NEMP1: variants seen among roughly 807,000 people sequenced by gnomAD.
NEMP1 encodes transmembrane protein 194.
In NEMP1, 29 loss-of-function variants were observed where a neutral mutation model predicts 53.7. That is an observed-to-expected ratio of 0.54 (90% CI 0.40 to 0.74). The LOEUF is 0.74. NEMP1 is among the 30% of genes least tolerant of loss of function. The pLI is 0.00. For missense variants in NEMP1, 477 were observed against 528.6 expected, an observed-to-expected ratio of 0.90 and a Z score of 0.96; for synonymous variants, 193 against 192.9, an observed-to-expected ratio of 1.00 and a Z score of 0.00.
chr12:57,075,561 C>T (rs987381044), intron 1 of NEMP1, among the ~76,000 whole-genome samples: 22 of 151,246 alleles, frequency 1.5e-4, no homozygotes, highest in Non-Finnish European at 2.5e-4. Flanking sequence ...TGGTGGCTCA[C>T]GCCTGTAGTC....
Position 57,064,730 on chromosome 12 carries a change from A to G in NEMP1, c.555T>C (p.Ile185=), listed in dbSNP as rs1168120404. Reference sequence around the variant, plus strand: ...CAGTCATCCCAGTAGAGTAGTAGAAAATTTGACTTCTGCAGGAAAAAAATG... The same window carrying G: ...CAGTCATCCCAGTAGAGTAGTAGAAGATTTGACTTCTGCAGGAAAAAAATG... ...FCGDLLSRSQ[I]FYYSTGMTVG... The change falls in exon 5 of 9, where the codon ATT becomes ATC. Residue 185 remains isoleucine, a synonymous_variant. Coordinates refer to ENST00000300128, the MANE Select transcript of NEMP1 (RefSeq NM_001130963.2). 4 of 1,612,178 alleles carry G rather than the reference A, an allele frequency of 2.5e-6. No homozygotes were observed. In the Admixed American group the frequency reaches 6.7e-5, roughly 27 times the overall value.
intron 1 of NEMP1, among the ~76,000 whole-genome samples, chr12:57,074,145 T>G (rs1419009331): frequency 6.6e-6 from 1 of 151,832 alleles, no homozygotes; most frequent in Non-Finnish European, 1.5e-5. Context: ...GTTTTTTTTT[T>G]TTTTAAAGAG....
intron 7 of NEMP1, among the ~76,000 whole-genome samples, chr12:57,062,476 T>C (rs1318228020): frequency 1.3e-5 from 2 of 149,166 alleles, no homozygotes; most frequent in Non-Finnish European, 3.0e-5. Flanking sequence ...AGAGACTCTG[T>C]CTCAAAAAAA....
Position 57,063,200 on chromosome 12 carries a change from T to G in NEMP1, c.899A>C (p.His300Pro), listed in dbSNP as rs199505922. Residue 300 changes from histidine to proline, a missense_variant, in exon 7 of 9, where the codon CAT becomes CCT. His to Pro is a moderately conservative substitution (Grantham distance 77, BLOSUM62 -2). Coordinates refer to ENST00000300128, the MANE Select transcript of NEMP1 (RefSeq NM_001130963.2). ...AATGATGATAATGGCAAGGGCAATA[T>G]GTGGTATCTGGATGCCAGAATACAT... ...CFMYSGIQIP[H>P]IALAIIIIAL... 6.2e-7 allele frequency: 1 copy of G among 1,614,222 alleles called. No homozygotes were observed. Among genetic ancestry groups the G allele is most frequent in the Non-Finnish European group, 8.5e-7 (1 of 1,180,044 alleles).
chr12:57,074,390 C>T (rs1409316631), intron 1 of NEMP1, among the ~76,000 whole-genome samples: 1 of 151,446 alleles, frequency 6.6e-6, no homozygotes, highest in Non-Finnish European at 1.5e-5. Flanking sequence ...CTCCCAGGTT[C>T]CAGCGATTCT....
chr12:57,078,481 C>T lies in NEMP1; in HGVS notation c.127+138G>A, dbSNP rs910299018. The T allele has an allele frequency of 2.4e-6, 3 of 1,254,372 alleles. No individual in the cohort carries two copies. The African/African-American group carries it at 4.5e-5, about 19-fold the overall frequency. 77.7% of individuals were successfully genotyped at this position (1,254,372 alleles called of 1,614,324 possible). ...CGCCCACTAGCCTGCCAAGTTTCTT[C>T]CACCACACTACGCCGGCGGCCCTCG... On this transcript the variant is annotated intron_variant, in intron 1 of 8. Coordinates refer to ENST00000300128, the MANE Select transcript of NEMP1 (RefSeq NM_001130963.2).
At chr12:57,078,590 C>T in intron 1 of NEMP1, 29 bp downstream of exon 1, 2 of 1,594,724 alleles carry the variant, frequency 1.3e-6, no homozygotes, top group Non-Finnish European at 1.7e-6. Flanking sequence ...CGGCACCTGC[C>T]CCCTTGGCAG....
upstream of NEMP1, among the ~76,000 whole-genome samples, chr12:57,080,181 ACCT>A (rs2136524541): frequency 6.6e-6 from 1 of 152,226 alleles, no homozygotes; most frequent in South Asian, 2.1e-4. Context: ...GCCCAGGCTG[ACCT>A]CAAACTCCTG....
At chr12:57,063,067 C>G in intron 7 of NEMP1, 52 bp downstream of exon 7, 1 of 1,434,560 alleles carries the variant, frequency 7.0e-7, no homozygotes, top group Non-Finnish European at 9.8e-7. Context: ...CTTGCTGCAA[C>G]TGCATCCCAC....
upstream of NEMP1, among the ~76,000 whole-genome samples, chr12:57,079,547 C>T (rs762646627): frequency 1.3e-5 from 2 of 152,172 alleles, no homozygotes; most frequent in African/African-American, 2.4e-5. Context: ...ACTCCAAAGC[C>T]GGAGTTATTT....
intron 1 of NEMP1, among the ~76,000 whole-genome samples, chr12:57,087,374 G>A (rs2033035180): frequency 6.6e-6 from 1 of 152,064 alleles, no homozygotes; most frequent in South Asian, 2.1e-4. Context: ...GGGAGCGTGG[G>A]CTGGGGGAGG....
At chr12:57,066,452 G>T (rs2032081680) in intron 4 of NEMP1, among the ~76,000 whole-genome samples, 2 of 152,156 alleles carry the variant, frequency 1.3e-5, no homozygotes, top group African/African-American at 4.8e-5. Context: ...AGGACAAGAG[G>T]TCTAGCTTTC....
At chr12:57,086,466 G>A (rs1032761574) in intron 1 of NEMP1, among the ~76,000 whole-genome samples, 2 of 152,020 alleles carry the variant, frequency 1.3e-5, no homozygotes, top group African/African-American at 4.8e-5. Context: ...GGGAGAACAG[G>A]TCCCATGCAG....
chr12:57,074,135 GTT>G (rs377190460), intron 1 of NEMP1, among the ~76,000 whole-genome samples: 7 of 142,218 alleles, frequency 4.9e-5, no homozygotes, highest in East Asian at 2.0e-4. Flanking sequence ...CACCCAGCTA[GTT>G]TTTTTTTTTT....
At chr12:57,061,997 C>CA (rs368164040) in intron 7 of NEMP1, among the ~76,000 whole-genome samples, 273 of 147,372 alleles carry the variant, frequency 1.9e-3, no homozygotes, top group African/African-American at 5.8e-3. Context: ...GACTCCATCT[C>CA]AAAAAAAAAA....
chr12:57,085,725 GAATT>G (rs1289317623), intron 1 of NEMP1, among the ~76,000 whole-genome samples: 19 of 152,246 alleles, frequency 1.2e-4, no homozygotes, highest in African/African-American at 4.6e-4. Context: ...ATCTGAGTGT[GAATT>G]AATTTACCAG....
At chr12:57,069,965 C>T (rs542125322) in intron 3 of NEMP1, among the ~76,000 whole-genome samples, 34 of 151,880 alleles carry the variant, frequency 2.2e-4, no homozygotes, top group African/African-American at 8.0e-4. Flanking sequence ...GCCAACCCTA[C>T]GTAACCAAAG....
chr12:57,072,986 AAACT>A, intron 1 of NEMP1, 74 bp from the exon 2 acceptor site: 1 of 1,369,082 alleles, frequency 7.3e-7, no homozygotes, highest in Non-Finnish European at 9.8e-7. Context: ...GAAAAAGATT[AAACT>A]AACCATTTTC....
At chr12:57,076,340 G>C (rs376280095) in intron 1 of NEMP1, among the ~76,000 whole-genome samples, 2 of 152,000 alleles carry the variant, frequency 1.3e-5, no homozygotes, top group Admixed American at 1.3e-4. Context: ...CTCTAGCCTG[G>C]GTGTCACAGC....
Sources: allele counts gnomAD v4.1 joint callset (sites outside exome capture counted in the v4.1 genomes callset), GRCh38; gene constraint gnomAD v4.1.1; transcripts MANE v1.5; gene names NCBI Gene and HGNC (gene_info 2026-07-23, HGNC 2026-07-21).